ARHGAP15: variants seen among roughly 807,000 people sequenced by gnomAD.
ARHGAP15 encodes rho GTPase-activating protein 15.
A neutral mutation model predicts 63.7 loss-of-function variants in ARHGAP15; 51 were observed. That is an observed-to-expected ratio of 0.80 (90% CI 0.64 to 1.01). ARHGAP15 has a LOEUF of 1.01. Among genes scored for constraint, ARHGAP15 ranks in the 50% least tolerant of loss-of-function variants. The pLI, the probability that ARHGAP15 is intolerant of heterozygous loss-of-function variation, is 0.00. For missense variants in ARHGAP15, 560 were observed against 564.6 expected (o/e 0.99, Z 0.08); for synonymous variants, 191 against 193.8 (o/e 0.99, Z 0.12).
At chr2:143,700,435 C>A (rs76076474) in intron 12 of ARHGAP15, among the ~76,000 whole-genome samples, 2,407 of 152,268 alleles carry the variant, frequency 0.016, 56 homozygotes, top group East Asian at 0.11. Flanking sequence ...ATAGCTGCTA[C>A]TTCTGTAGCC....
intron 6 of ARHGAP15, among the ~76,000 whole-genome samples, chr2:143,358,649 A>C (rs1685907722): frequency 6.6e-6 from 1 of 151,474 alleles, no homozygotes; most frequent in Non-Finnish European, 1.5e-5. Context: ...GCATGGATGA[A>C]ATATTTTCCT....
chr2:143,238,471 T>C (rs1438025454), intron 5 of ARHGAP15: 1 of 152,038 alleles, frequency 6.6e-6, no homozygotes, highest in Non-Finnish European at 1.5e-5. Flanking sequence ...ATTAGATAAA[T>C]GTAAATCAAA....
chr2:143,427,602 A>C (rs1432453510), intron 6 of ARHGAP15, among the ~76,000 whole-genome samples: 1 of 151,926 alleles, frequency 6.6e-6, no homozygotes, highest in Non-Finnish European at 1.5e-5. Flanking sequence ...GTGGCTTTGG[A>C]ATATAATCAA....
intron 6 of ARHGAP15, among the ~76,000 whole-genome samples, chr2:143,400,692 C>A (rs1687953155): frequency 6.6e-6 from 1 of 151,878 alleles, no homozygotes; most frequent in African/African-American, 2.4e-5. Context: ...TGCTGTCTAC[C>A]TTTAACTTAT....
At chr2:143,589,783 A>C (rs1288885519) in intron 11 of ARHGAP15, among the ~76,000 whole-genome samples, 2 of 152,186 alleles carry the variant, frequency 1.3e-5, no homozygotes, top group African/African-American at 4.8e-5. Flanking sequence ...GCTAGGGAAA[A>C]ACAGAAGCAC....
At chr2:143,623,644 C>A (rs940388052) in intron 11 of ARHGAP15, among the ~76,000 whole-genome samples, 7 of 152,190 alleles carry the variant, frequency 4.6e-5, no homozygotes, top group African/African-American at 1.7e-4. Context: ...AAAGTGTTAC[C>A]CATTATTCCC....
chr2:143,315,970 C>T (rs1452558639), intron 6 of ARHGAP15, among the ~76,000 whole-genome samples: 1 of 151,954 alleles, frequency 6.6e-6, no homozygotes, highest in Non-Finnish European at 1.5e-5. Context: ...CCTGTATTCC[C>T]AGCTGCTCAG....
intron 8 of ARHGAP15, among the ~76,000 whole-genome samples, chr2:143,447,002 C>T (rs1464007340): frequency 6.6e-6 from 1 of 152,024 alleles, no homozygotes; most frequent in African/African-American, 2.4e-5. Context: ...GTATATGTGC[C>T]ACATTTTCTT....
intron 5 of ARHGAP15, among the ~76,000 whole-genome samples, chr2:143,230,726 C>T (rs1389415331): frequency 3.3e-5 from 5 of 152,172 alleles, no homozygotes; most frequent in African/African-American, 1.2e-4. Context: ...GGATAGCCCA[C>T]GTTTACCAGT....
intron 8 of ARHGAP15, among the ~76,000 whole-genome samples, chr2:143,484,827 C>G (rs1340923681): frequency 6.6e-6 from 1 of 152,112 alleles, no homozygotes; most frequent in Non-Finnish European, 1.5e-5. Flanking sequence ...GTCAAGTGTT[C>G]AATAGCCCCA....
At chr2:143,490,243 C>A (rs1321478902) in intron 9 of ARHGAP15, among the ~76,000 whole-genome samples, 1 of 152,244 alleles carries the variant, frequency 6.6e-6, no homozygotes, top group African/African-American at 2.4e-5. Flanking sequence ...TCGTGATCCA[C>A]CCGCCTCAGC....
At chr2:143,529,990 G>A (rs1694453581) in intron 10 of ARHGAP15, among the ~76,000 whole-genome samples, 1 of 151,990 alleles carries the variant, frequency 6.6e-6, no homozygotes, top group African/African-American at 2.4e-5. Flanking sequence ...ACTATACCTG[G>A]CATATGATAG....
chr2:143,172,980 A>G (rs1690856434), intron 2 of ARHGAP15, among the ~76,000 whole-genome samples: 1 of 152,118 alleles, frequency 6.6e-6, no homozygotes, highest in South Asian at 2.1e-4. Context: ...AGAAGTTAAA[A>G]GACTGATTGG....
Position 143,349,270 on chromosome 2 carries a change from A to G in ARHGAP15, c.475-86331A>G, listed in dbSNP as rs1685451558. Among the ~76,000 whole-genome samples the G allele has an allele frequency of 3.3e-5, 5 of 152,200 alleles. No individual in the cohort carries two copies. In the South Asian group the frequency reaches 1.0e-3, roughly 32 times the overall value. Reference sequence around the variant, plus strand: ...TGAGAGGATAAAAGGGACTGCTGAAAACATCAACTATTGTTGAAAAAAGAT... The same window carrying G: ...TGAGAGGATAAAAGGGACTGCTGAAGACATCAACTATTGTTGAAAAAAGAT... On this transcript the variant is annotated intron_variant, in intron 6 of 13. Transcript: ENST00000295095.
chr2:143,452,644 G>A (rs116762630), intron 8 of ARHGAP15, among the ~76,000 whole-genome samples: 1,846 of 139,162 alleles, frequency 0.013, 34 homozygotes, highest in African/African-American at 0.047. Context: ...GTCCTCAACT[G>A]TGGCCCCTTT....
chr2:143,515,070 A>G (rs1201888373), intron 9 of ARHGAP15, among the ~76,000 whole-genome samples: 1 of 152,134 alleles, frequency 6.6e-6, no homozygotes, highest in Non-Finnish European at 1.5e-5. Context: ...AGGATTGTGC[A>G]CAGTGATTAC....
intron 6 of ARHGAP15, among the ~76,000 whole-genome samples, chr2:143,304,344 TA>T (rs1482534076): frequency 6.6e-6 from 1 of 152,038 alleles, no homozygotes; most frequent in East Asian, 1.9e-4. Flanking sequence ...CTCAGCAAAC[TA>T]TTGCAAGGAC....
intron 10 of ARHGAP15, among the ~76,000 whole-genome samples, chr2:143,539,258 ATTC>A (rs1052594318): frequency 6.6e-5 from 10 of 151,264 alleles, no homozygotes; most frequent in African/African-American, 2.4e-4. Flanking sequence ...CGTCTATTTG[ATTC>A]TTCTCTCTTT....
intron 11 of ARHGAP15, among the ~76,000 whole-genome samples, chr2:143,556,906 T>C (rs2105087941): frequency 6.6e-6 from 1 of 151,950 alleles, no homozygotes; most frequent in Middle Eastern, 3.4e-3. Context: ...AGAAAAAAAT[T>C]AGGAAACGCA....
Sources: allele counts gnomAD v4.1 joint callset (sites outside exome capture counted in the v4.1 genomes callset), GRCh38; gene constraint gnomAD v4.1.1; transcripts MANE v1.5; gene names NCBI Gene and HGNC (gene_info 2026-07-23, HGNC 2026-07-21).